CSMD1: variants seen among roughly 807,000 people sequenced by gnomAD.
The protein encoded by CSMD1 is CUB and Sushi multiple domains 1.
Under a neutral mutation model 417.5 loss-of-function variants are expected in CSMD1, and 213 were observed. The observed-to-expected ratio is 0.51, with a 90% CI of 0.46 to 0.57. The LOEUF is 0.57. CSMD1 is among the 20% of genes least tolerant of loss of function. CSMD1 has a pLI of 0.00. For missense variants in CSMD1, 6,923 were observed against 4,529.7 expected (o/e 1.53, Z -15.17); for synonymous variants, 2,862 against 1,736.8 (o/e 1.65, Z -16.11).
chr8:3,233,345 G>A (rs1345191119), intron 26 of CSMD1, among the ~76,000 whole-genome samples: 2 of 152,326 alleles, frequency 1.3e-5, no homozygotes, highest in South Asian at 2.1e-4. Flanking sequence ...CCCTCGCCAG[G>A]CGATGCCTGC....
intron 5 of CSMD1, among the ~76,000 whole-genome samples, chr8:3,966,763 GCGC>G (rs1812705183): frequency 7.2e-6 from 1 of 138,192 alleles, no homozygotes; most frequent in Non-Finnish European, 1.6e-5. Flanking sequence ...ACGCGCGCGC[GCGC>G]ACACACACTG....
At chr8:4,409,196 C>G (rs1422258298) in intron 3 of CSMD1, among the ~76,000 whole-genome samples, 1 of 152,100 alleles carries the variant, frequency 6.6e-6, no homozygotes, top group Non-Finnish European at 1.5e-5. Flanking sequence ...AAATTATCTA[C>G]AAAATGGAAA....
intron 14 of CSMD1, 43 bp from the exon 15 acceptor site, chr8:3,406,264 G>A (rs1812336224): frequency 3.4e-6 from 5 of 1,468,666 alleles, no homozygotes; most frequent in Non-Finnish European, 4.6e-6. Flanking sequence ...AAATACTTGA[G>A]TATTAATTAC....
At chr8:3,873,053 A>G (rs1805587382) in intron 5 of CSMD1, among the ~76,000 whole-genome samples, 2 of 152,136 alleles carry the variant, frequency 1.3e-5, no homozygotes, top group Admixed American at 1.3e-4. Flanking sequence ...TCAAACAACA[A>G]CAGATGCTGG....
At chr8:4,633,844 A>G (rs1802681788) in intron 2 of CSMD1, among the ~76,000 whole-genome samples, 1 of 152,160 alleles carries the variant, frequency 6.6e-6, no homozygotes, top group African/African-American at 2.4e-5. Flanking sequence ...TACAGGCATG[A>G]GCCACCATGC....
At chr8:4,042,568 G>A (rs17068685) in intron 3 of CSMD1, among the ~76,000 whole-genome samples, 16,403 of 151,952 alleles carry the variant, frequency 0.11, 1,466 homozygotes, top group East Asian at 0.38. Context: ...CCAGCGGAAG[G>A]TAATAGCATA....
chr8:4,186,776 C>G (rs143192849), intron 3 of CSMD1, among the ~76,000 whole-genome samples: 1 of 150,978 alleles, frequency 6.6e-6, no homozygotes, highest in Non-Finnish European at 1.5e-5. Flanking sequence ...CACTTGAGGT[C>G]AGGAGTTCAA....
intron 18 of CSMD1, among the ~76,000 whole-genome samples, chr8:3,377,396 G>A (rs920571013): frequency 4.6e-5 from 7 of 152,046 alleles, no homozygotes; most frequent in Non-Finnish European, 7.4e-5. Context: ...TGATTCCTTC[G>A]AAAGGTTTAA....
chr8:4,205,663 G>T (rs1799936490), intron 3 of CSMD1, among the ~76,000 whole-genome samples: 1 of 152,156 alleles, frequency 6.6e-6, no homozygotes, highest in Non-Finnish European at 1.5e-5. Context: ...AACGGCTGTT[G>T]TGGCTCATTT....
At chr8:4,893,859 C>T (rs923542373) in intron 1 of CSMD1, among the ~76,000 whole-genome samples, 3 of 152,004 alleles carry the variant, frequency 2.0e-5, no homozygotes, top group African/African-American at 7.3e-5. Context: ...GTTCTTACCC[C>T]TTTTTTCCCC....
chr8:3,290,364 A>G (rs1243488240), intron 25 of CSMD1, among the ~76,000 whole-genome samples: 2 of 146,850 alleles, frequency 1.4e-5, no homozygotes, highest in Non-Finnish European at 2.9e-5. Flanking sequence ...TTCTGTGAAG[A>G]AAGTCATTGG....
chr8:4,945,280 G>C (rs1177352162), intron 1 of CSMD1, among the ~76,000 whole-genome samples: 2 of 152,316 alleles, frequency 1.3e-5, no homozygotes, highest in East Asian at 3.9e-4. Flanking sequence ...AATGGGAACA[G>C]AGTTTTAGTT....
At position 4,431,754 on chromosome 8, in the gene CSMD1, A is replaced by T. The variant is rs115530527; in HGVS notation, c.303-11689T>A. 3.1e-3 allele frequency among the ~76,000 whole-genome samples: 474 copies of T among 152,324 alleles called. 4 individuals carry two copies. Among genetic ancestry groups the T allele is most frequent in the African/African-American group, 0.011 (440 of 41,580 alleles). ...TTGTTGTTCTAACAATTTTGAAACC[A>T]AACTTCAGTAACCTGGCATGTATTA... On this transcript the variant is annotated intron_variant, in intron 2 of 69. Transcript: ENST00000635120.
Position 2,974,593 on chromosome 8 carries a change from G to A in CSMD1, c.8598C>T (p.Ala2866=). The A allele has an allele frequency of 6.2e-7, 1 of 1,610,652 alleles. No individual in the cohort carries two copies. The highest frequency in any genetic ancestry group is 8.5e-7 in the Non-Finnish European group (1 of 1,178,376). The change falls in exon 56 of 70, where the codon GCC becomes GCT. Residue 2866 remains alanine (A), a synonymous_variant. Transcript: ENST00000635120. ...ACAGCTCTCCAGTGAGGACGGCGTT[G>A]GCAGGGACCCCTGGGTGTCCACACG... ...AISCGHPGVP[A]NAVLTGELFT...
chr8:4,614,871 GTAT>G (rs753306675), intron 2 of CSMD1, among the ~76,000 whole-genome samples: 4 of 151,936 alleles, frequency 2.6e-5, no homozygotes, highest in Non-Finnish European at 5.9e-5. Context: ...AAGATATAAA[GTAT>G]TATTAATATT....
intron 5 of CSMD1, among the ~76,000 whole-genome samples, chr8:3,938,408 T>C (rs1254517092): frequency 6.6e-6 from 1 of 152,236 alleles, no homozygotes; most frequent in African/African-American, 2.4e-5. Context: ...TAGTTTTGAT[T>C]TGGGCTTCAA....
intron 4 of CSMD1, among the ~76,000 whole-genome samples, chr8:4,004,434 T>TA (rs1815948183): frequency 6.7e-6 from 1 of 149,234 alleles, no homozygotes; most frequent in South Asian, 2.1e-4. Flanking sequence ...TTTTTTTTTT[T>TA]AAAGGAAAGG....
At chr8:3,891,543 A>T (rs553079354) in intron 5 of CSMD1, among the ~76,000 whole-genome samples, 92 of 152,182 alleles carry the variant, frequency 6.0e-4, no homozygotes, top group African/African-American at 2.0e-3. Context: ...AAAAGCCAAT[A>T]GTGGGGGTGT....
chr8:4,679,877 C>T (rs981381437), intron 1 of CSMD1, among the ~76,000 whole-genome samples: 3 of 151,780 alleles, frequency 2.0e-5, no homozygotes, highest in East Asian at 1.9e-4. Flanking sequence ...ATAATAAATG[C>T]AATAGAAATG....
Sources: allele counts gnomAD v4.1 joint callset (sites outside exome capture counted in the v4.1 genomes callset), GRCh38; gene constraint gnomAD v4.1.1; transcripts MANE v1.5; gene names NCBI Gene and HGNC (gene_info 2026-07-23, HGNC 2026-07-21).